DDX6: variants seen among roughly 807,000 people sequenced by gnomAD.
DDX6 encodes the protein probable ATP-dependent RNA helicase DDX6.
In DDX6, 7 loss-of-function variants were observed where a neutral mutation model predicts 60.6. That is an observed-to-expected ratio of 0.12 (90% confidence interval 0.07 to 0.22). The LOEUF is 0.22. DDX6 is among the 10% of genes least tolerant of loss of function. The pLI, the probability that DDX6 is intolerant of heterozygous loss-of-function variation, is 1.00. For synonymous variants in DDX6, 207 were observed against 201.0 expected (o/e 1.03, Z -0.25); for missense variants, 270 against 589.9 (o/e 0.46, Z 5.62).
intron 5 of DDX6, among the ~76,000 whole-genome samples, chr11:118,767,370 T>C (rs1187789871): frequency 2.0e-5 from 3 of 152,190 alleles, no homozygotes; most frequent in East Asian, 3.8e-4. Context: ...GAAGAAAAGA[T>C]AATTACAGAT....
intron 5 of DDX6, among the ~76,000 whole-genome samples, chr11:118,767,326 C>T (rs1861386831): frequency 2.0e-5 from 3 of 152,286 alleles, no homozygotes; most frequent in East Asian, 3.9e-4. Context: ...GAAACTCCTG[C>T]TACCTAGGCT....
intron 4 of DDX6, among the ~76,000 whole-genome samples, chr11:118,776,688 C>T (rs1435957259): frequency 2.0e-5 from 3 of 152,064 alleles, no homozygotes; most frequent in Non-Finnish European, 4.4e-5. Context: ...AAAAAATTAG[C>T]CGGGTGCTGT....
intron 13 of DDX6, 85 bp downstream of exon 13, chr11:118,754,620 G>A: frequency 8.4e-7 from 1 of 1,194,796 alleles, no homozygotes; most frequent in South Asian, 1.5e-5. Flanking sequence ...ATTATATATG[G>A]TGTGACATCA....
At chr11:118,781,664 C>A (rs1784293) in intron 2 of DDX6, among the ~76,000 whole-genome samples, 94,169 of 152,068 alleles carry the variant, frequency 0.62, 29,638 homozygotes, top group East Asian at 0.7. Context: ...GTGGTGGCTC[C>A]CATCAGTAAT....
In DDX6 at chr11:118,765,298, T is replaced by C. The variant is rs1555161083; in HGVS notation, c.557A>G (p.Gln186Arg). The C allele has an allele frequency of 6.2e-7, 1 of 1,613,806 alleles. No individual in the cohort carries two copies. Among genetic ancestry groups the C allele is most frequent in the East Asian group, 2.2e-5 (1 of 44,894 alleles). ...LALQVSQICIQVSKHMGGAKV... is the reference protein window; with the variant it reads ...LALQVSQICIRVSKHMGGAKV... ...GGCCCCTCCCATGTGTTTGCTGACC[T>C]GGATGCAAATTTGACTGACCTGTAG... The change falls in exon 6 of 14, where the codon CAG (glutamine) becomes CGG (arginine). Residue 186 changes from glutamine (Q) to arginine (R), a missense_variant. By Grantham distance (43) the Gln-to-Arg change is conservative. Coordinates refer to ENST00000534980, the MANE Select transcript of DDX6 (RefSeq NM_004397.6).
At chr11:118,762,755 G>A (rs1262362974) in intron 7 of DDX6, among the ~76,000 whole-genome samples, 2 of 152,130 alleles carry the variant, frequency 1.3e-5, no homozygotes, top group Non-Finnish European at 2.9e-5. Context: ...TACAAAACAT[G>A]GCTAGATCCC....
At chr11:118,781,068 C>T (rs377367974) in intron 3 of DDX6, 53 bp downstream of exon 3, 8 of 1,252,620 alleles carry the variant, frequency 6.4e-6, no homozygotes, top group African/African-American at 1.5e-5. Flanking sequence ...GACAGCTATA[C>T]CTCACTTCTA....
chr11:118,765,463 T>G, intron 5 of DDX6, 108 bp from the exon 6 acceptor site: 1 of 1,159,104 alleles, frequency 8.6e-7, no homozygotes, highest in Non-Finnish European at 1.3e-6. Flanking sequence ...CTGCGCCTTA[T>G]GATGCAGTGG....
chr11:118,764,117 G>C (rs539196869), intron 6 of DDX6, among the ~76,000 whole-genome samples: 2 of 152,138 alleles, frequency 1.3e-5, no homozygotes, highest in South Asian at 4.1e-4. Flanking sequence ...CTCTAATCTA[G>C]AGCAGTGAGC....
intron 2 of DDX6, among the ~76,000 whole-genome samples, chr11:118,784,082 T>C (rs1861992836): frequency 2.5e-5 from 2 of 79,574 alleles, no homozygotes; most frequent in Non-Finnish European, 2.6e-5. Context: ...AGTGAGACCC[T>C]GTCTCAAAAA....
chr11:118,783,379 G>C (rs1861966741), intron 2 of DDX6, among the ~76,000 whole-genome samples: 1 of 152,148 alleles, frequency 6.6e-6, no homozygotes, highest in South Asian at 2.1e-4. Flanking sequence ...TGTAGAGACA[G>C]GGTCTTGCTA....
In DDX6 at chr11:118,752,004, CAAAAT is replaced by C. The variant is rs1256441443; in HGVS notation, c.*96_*100del. The C allele has an allele frequency of 1.6e-5, 5 of 316,874 alleles. No individual in the cohort carries two copies. Among genetic ancestry groups the C allele is most frequent in the Non-Finnish European group, 3.1e-5 (5 of 160,328 alleles). The allele number at this position is 316,874 out of a possible 1,614,324, so 19.6% of individuals were successfully genotyped here. On this transcript the variant is annotated 3_prime_UTR_variant, in exon 14 of 14. Coordinates refer to ENST00000534980, the MANE Select transcript of DDX6 (RefSeq NM_004397.6). ...GAGCTCTTTTAAGTCTTCATAGTTC[CAAAAT>C]AAAAGATGAAAAACCCACAAAGAGA...
Position 118,786,055 on chromosome 11 carries a change from A to G in DDX6, c.197T>C (p.Ile66Thr). The stretch of plus-strand genomic sequence containing the variant: ...AATAATTTACTCTAACACTTACTTA[A>G]TAGTGGTGGTCATACTCTGTGCTTG... ...QQQAQSMTTTIKPGDDWKKTL... is the reference protein window; with the variant it reads ...QQQAQSMTTTTKPGDDWKKTL... Residue 66 changes from isoleucine (I) to threonine (T), a missense_variant, in exon 2 of 14, where the codon ATT becomes ACT. Transcript: ENST00000534980. 1 of 1,612,830 alleles carries G rather than the reference A, an allele frequency of 6.2e-7. No individual in the cohort carries two copies. The highest frequency in any genetic ancestry group is 8.5e-7 in the Non-Finnish European group (1 of 1,179,254).
chr11:118,772,606 A>C (rs1555162819), intron 4 of DDX6, among the ~76,000 whole-genome samples: 1 of 152,188 alleles, frequency 6.6e-6, no homozygotes, highest in African/African-American at 2.4e-5. Context: ...AAAAAGCATT[A>C]AATTGTATAC....
intron 4 of DDX6, among the ~76,000 whole-genome samples, chr11:118,777,517 TA>T (rs1179872449): frequency 1.3e-5 from 2 of 152,102 alleles, no homozygotes; most frequent in Non-Finnish European, 2.9e-5. Context: ...TACTCCACAC[TA>T]AAAAGAATCA....
At chr11:118,752,932 A>T (rs142846331) in intron 13 of DDX6, among the ~76,000 whole-genome samples, 330 of 151,068 alleles carry the variant, frequency 2.2e-3, no homozygotes, top group African/African-American at 7.5e-3. Context: ...TAATAAAAAT[A>T]AAAAAAAGAT....
chr11:118,762,371 C>T (rs531291331), intron 7 of DDX6, among the ~76,000 whole-genome samples: 1 of 152,004 alleles, frequency 6.6e-6, no homozygotes, highest in East Asian at 1.9e-4. Flanking sequence ...TATAGATCCT[C>T]CTTGACTTAC....
chr11:118,767,934 T>G, intron 5 of DDX6: 1 of 229,342 alleles, frequency 4.4e-6, no homozygotes. Flanking sequence ...GTGCCCAGCC[T>G]CAGCTTTCCT....
intron 9 of DDX6, 144 bp downstream of exon 9, chr11:118,758,630 A>G: frequency 2.3e-6 from 2 of 885,082 alleles, no homozygotes; most frequent in South Asian, 4.1e-5. Context: ...CTCAGCCTCC[A>G]AAGTGCTGGG....
Sources: allele counts gnomAD v4.1 joint callset (sites outside exome capture counted in the v4.1 genomes callset), GRCh38; gene constraint gnomAD v4.1.1; transcripts MANE v1.5; gene names NCBI Gene and HGNC (gene_info 2026-07-23, HGNC 2026-07-21).